The following SLC13A3 variants were observed in gnomAD, a reference collection of about 807,000 sequenced individuals.
SLC13A3 encodes solute carrier family 13 member 3, also known as Na(+)/dicarboxylate cotransporter 3.
Under a neutral mutation model 59.0 loss-of-function variants are expected in SLC13A3, and 40 were observed. That is an observed-to-expected ratio of 0.68 (90% CI 0.53 to 0.88). The LOEUF (loss-of-function observed/expected upper bound fraction) is 0.88, where lower values mean the gene tolerates loss of function less well. SLC13A3 is among the 40% of genes least tolerant of loss of function. SLC13A3 has a pLI of 0.00. For missense variants in SLC13A3, 699 were observed against 783.2 expected (o/e 0.89, Z 1.28); for synonymous variants, 317 against 330.3 (o/e 0.96, Z 0.44).
At chr20:46,561,988 C>G (rs1203370414) in intron 12 of SLC13A3, among the ~76,000 whole-genome samples, 1 of 152,192 alleles carries the variant, frequency 6.6e-6, no homozygotes, top group Non-Finnish European at 1.5e-5. Context: ...CCCTTGTACC[C>G]CTCCACATCT....
intron 4 of SLC13A3, among the ~76,000 whole-genome samples, chr20:46,597,004 G>A (rs2062319080): frequency 6.6e-6 from 1 of 152,124 alleles, no homozygotes; most frequent in Non-Finnish European, 1.5e-5. Flanking sequence ...AGTGAACTTT[G>A]ATTGCCCCAC....
At chr20:46,608,436 T>C (rs555954104) in intron 3 of SLC13A3, among the ~76,000 whole-genome samples, 2 of 152,364 alleles carry the variant, frequency 1.3e-5, no homozygotes, top group African/African-American at 2.4e-5. Flanking sequence ...TGGTCATTTA[T>C]AGACAAAGTT....
chr20:46,599,922 C>A (rs1470702506), intron 4 of SLC13A3, 49 bp downstream of exon 4: 1 of 1,370,948 alleles, frequency 7.3e-7, no homozygotes, highest in South Asian at 1.5e-5. Context: ...TGTTCATCAT[C>A]TCCTTGAATC....
At chr20:46,650,311 CACTT>C (rs2062940115) in intron 1 of SLC13A3, among the ~76,000 whole-genome samples, 1 of 152,116 alleles carries the variant, frequency 6.6e-6, no homozygotes, top group African/African-American at 2.4e-5. Context: ...CCGACATAGT[CACTT>C]GCTGTGTGAC....
At chr20:46,586,735 G>T (rs933481582) in intron 8 of SLC13A3, among the ~76,000 whole-genome samples, 2 of 152,128 alleles carry the variant, frequency 1.3e-5, no homozygotes, top group African/African-American at 4.8e-5. Context: ...ATTTAACTTT[G>T]AATGATATCT....
At chr20:46,634,714 G>T (rs553155046) in intron 1 of SLC13A3, among the ~76,000 whole-genome samples, 47 of 152,300 alleles carry the variant, frequency 3.1e-4, no homozygotes, top group Non-Finnish European at 5.0e-4. Flanking sequence ...GTGTGCCCTG[G>T]ATGCAGGAGC....
At chr20:46,567,614 G>A (rs1020935472) in intron 10 of SLC13A3, among the ~76,000 whole-genome samples, 14 of 149,672 alleles carry the variant, frequency 9.4e-5, no homozygotes, top group Admixed American at 2.0e-4. Flanking sequence ...GGGCAGAGAC[G>A]GGTAGAGAAG....
intron 9 of SLC13A3, among the ~76,000 whole-genome samples, chr20:46,581,769 A>T (rs2062141063): frequency 6.6e-6 from 1 of 152,190 alleles, no homozygotes; most frequent in Non-Finnish European, 1.5e-5. Flanking sequence ...GACTAAAATG[A>T]AGCAGAAACT....
intron 9 of SLC13A3, chr20:46,582,633 G>C: frequency 3.0e-6 from 3 of 984,800 alleles, no homozygotes; most frequent in Non-Finnish European, 3.6e-6. Flanking sequence ...AGAAAGAACT[G>C]TTTATGGAGC....
At chr20:46,625,268 T>C (rs2062656715) in intron 1 of SLC13A3, among the ~76,000 whole-genome samples, 1 of 152,210 alleles carries the variant, frequency 6.6e-6, no homozygotes, top group South Asian at 2.1e-4. Context: ...CAAATCAAGT[T>C]CCACATTCTG....
chr20:46,600,269 A>AGGAAAGGAAAGGAAAGGGAG (rs2062360519), intron 3 of SLC13A3, among the ~76,000 whole-genome samples: 2 of 141,848 alleles, frequency 1.4e-5, no homozygotes, highest in Non-Finnish European at 3.1e-5. Context: ...AGGAAAGGAA[A>AGGAAAGGAAAGGAAAGGGAG]GGAAAGGAAA....
intron 1 of SLC13A3, among the ~76,000 whole-genome samples, chr20:46,636,434 A>G (rs1156703659): frequency 1.3e-5 from 2 of 152,194 alleles, no homozygotes; most frequent in Non-Finnish European, 2.9e-5. Context: ...TGTGGGTAGC[A>G]CCTGGCACAC....
intron 2 of SLC13A3, among the ~76,000 whole-genome samples, chr20:46,612,602 G>A (rs1339168763): frequency 1.3e-5 from 1 of 76,442 alleles, no homozygotes; most frequent in East Asian, 4.4e-4. Context: ...ACAGGTGTCT[G>A]TGTTCAAAAA....
chr20:46,610,057 C>T lies in SLC13A3; in HGVS notation c.541+389G>A, dbSNP rs2062478559. Among the ~76,000 whole-genome samples, 3 of 152,330 alleles carry T rather than the reference C, an allele frequency of 2.0e-5. No homozygotes were observed. In the South Asian group the frequency reaches 6.2e-4, roughly 32 times the overall value. On this transcript the variant is annotated intron_variant, in intron 3 of 12. Transcript: ENST00000279027. ...GGATTCATCAGCTTCCTTATTTCTG[C>T]CTGTCTCATTGATTAAAATGTTATT...
chr20:46,561,015 A>C (rs754348821), intron 12 of SLC13A3, among the ~76,000 whole-genome samples: 4 of 152,206 alleles, frequency 2.6e-5, no homozygotes, highest in Admixed American at 2.6e-4. Flanking sequence ...CAAATTACTA[A>C]GCTAAAGAGA....
At chr20:46,584,020 G>C (rs2062166826) in intron 8 of SLC13A3, 1 of 985,078 alleles carries the variant, frequency 1.0e-6, no homozygotes, top group Admixed American at 6.2e-5. Context: ...ACTCCTGTAA[G>C]AGCCCTGTCT....
chr20:46,632,860 T>C (rs1465531572), intron 1 of SLC13A3, among the ~76,000 whole-genome samples: 1 of 120,876 alleles, frequency 8.3e-6, no homozygotes, highest in Non-Finnish European at 1.8e-5. Flanking sequence ...CTTTTCTCTC[T>C]TTCAATAGAT....
intron 1 of SLC13A3, among the ~76,000 whole-genome samples, chr20:46,614,046 G>A (rs2062530838): frequency 6.6e-6 from 1 of 152,234 alleles, no homozygotes. Flanking sequence ...ATAAAGACGA[G>A]AATGAAAATA....
chr20:46,621,325 T>A (rs2062612198), intron 1 of SLC13A3, among the ~76,000 whole-genome samples: 1 of 152,218 alleles, frequency 6.6e-6, no homozygotes, highest in Non-Finnish European at 1.5e-5. Context: ...TTCTTCTGAC[T>A]TCTTTTTGTT....
Sources: gnomAD v4.1 joint callset for allele counts (sites outside exome capture counted in the v4.1 genomes callset) on GRCh38, gnomAD v4.1.1 for gene constraint, MANE v1.5 for transcripts, NCBI Gene and HGNC (gene_info 2026-07-23, HGNC 2026-07-21) for gene names.